PCDH15: variants seen among roughly 807,000 people sequenced by gnomAD.
The protein encoded by PCDH15 is protocadherin-15.
In PCDH15, 129 loss-of-function variants were observed where a neutral mutation model predicts 178.5. The observed-to-expected ratio is 0.72, with a 90% CI of 0.63 to 0.84. The LOEUF (loss-of-function observed/expected upper bound fraction) is 0.84, where lower values mean the gene tolerates loss of function less well. Among genes scored for constraint, PCDH15 ranks in the 40% least tolerant of loss-of-function variants. PCDH15 has a pLI of 0.00. For missense variants in PCDH15, 2,230 were observed against 2,099.9 expected (o/e 1.06, Z -1.21); for synonymous variants, 800 against 732.0 (o/e 1.09, Z -1.50).
At chr10:55,505,422 A>T (rs961452417) in intron 2 of PCDH15, among the ~76,000 whole-genome samples, 1 of 151,356 alleles carries the variant, frequency 6.6e-6, no homozygotes, top group Non-Finnish European at 1.5e-5. Context: ...AAATAATAAG[A>T]CTAATATAAA....
intron 2 of PCDH15, among the ~76,000 whole-genome samples, chr10:55,530,567 C>T (rs1046056124): frequency 4.0e-5 from 6 of 151,866 alleles, no homozygotes; most frequent in African/African-American, 1.2e-4. Flanking sequence ...TTCTTTTTTA[C>T]ATTGTTATAA....
rs1190845184 is a variant in PCDH15 at position 54,426,274 on chromosome 10, G to T, written c.158-47332C>A. Among the ~76,000 whole-genome samples, 7 of 152,042 alleles carry T rather than the reference G, an allele frequency of 4.6e-5. No homozygotes were observed. In the East Asian group the frequency reaches 9.6e-4, roughly 21 times the overall value. ...CTTTGGTACCAGGGATTCATTTTGCGGAATATAATATTTTCATGGACAGGG... is the reference window on the plus strand; with the variant it reads ...CTTTGGTACCAGGGATTCATTTTGCTGAATATAATATTTTCATGGACAGGG... On this transcript the variant is annotated intron_variant, in intron 3 of 37. Coordinates refer to ENST00000644397, the MANE Select transcript of PCDH15 (RefSeq NM_001384140.1).
At chr10:55,599,862 A>G in intron 2 of PCDH15, 1 of 1,354,696 alleles carries the variant, frequency 7.4e-7, no homozygotes, top group Non-Finnish European at 9.9e-7. Flanking sequence ...TTGCAAAGGT[A>G]GCATAATCAC....
chr10:54,224,805 C>T (rs2053253931), intron 9 of PCDH15, among the ~76,000 whole-genome samples: 1 of 151,994 alleles, frequency 6.6e-6, no homozygotes, highest in Admixed American at 6.6e-5. Flanking sequence ...TCTCTTAGTG[C>T]ATTCTTTGAT....
intron 10 of PCDH15, among the ~76,000 whole-genome samples, chr10:54,201,093 G>C (rs1470167): frequency 0.91 from 137,809 of 152,234 alleles, 62,571 homozygotes; most frequent in East Asian, 0.98. Flanking sequence ...CAGCTACATA[G>C]TTACAGGTAC....
At chr10:54,131,419 T>A (rs2133040952) in intron 15 of PCDH15, among the ~76,000 whole-genome samples, 1 of 152,282 alleles carries the variant, frequency 6.6e-6, no homozygotes, top group Non-Finnish European at 1.5e-5. Context: ...TATTACTCCA[T>A]TAAATGAACT....
At chr10:54,641,557 A>T (rs2093988579) in intron 2 of PCDH15, among the ~76,000 whole-genome samples, 1 of 150,930 alleles carries the variant, frequency 6.6e-6, no homozygotes, top group South Asian at 2.1e-4. Flanking sequence ...GCAATAAATC[A>T]TACACAGGTA....
chr10:55,426,581 G>C (rs911899694), intron 2 of PCDH15, among the ~76,000 whole-genome samples: 10 of 152,114 alleles, frequency 6.6e-5, no homozygotes, highest in Admixed American at 2.0e-4. Context: ...TGGTGGAAGG[G>C]TTAACAACTC....
intron 8 of PCDH15, among the ~76,000 whole-genome samples, chr10:54,276,465 T>A (rs2058356682): frequency 6.6e-6 from 1 of 151,670 alleles, no homozygotes; most frequent in South Asian, 2.1e-4. Context: ...TCCCATCCTA[T>A]TGAAAACAAT....
At chr10:54,240,948 T>G (rs1487322439) in intron 8 of PCDH15, among the ~76,000 whole-genome samples, 2 of 152,142 alleles carry the variant, frequency 1.3e-5, no homozygotes, top group African/African-American at 4.8e-5. Flanking sequence ...TTATTTTCAT[T>G]GAACACAGTT....
chr10:55,423,360 T>C (rs755280552), intron 2 of PCDH15, among the ~76,000 whole-genome samples: 1 of 152,002 alleles, frequency 6.6e-6, no homozygotes, highest in Non-Finnish European at 1.5e-5. Flanking sequence ...CAGAGAGAAC[T>C]AAAATTTTGA....
intron 3 of PCDH15, among the ~76,000 whole-genome samples, chr10:54,430,672 A>T (rs1040226022): frequency 6.6e-6 from 1 of 152,138 alleles, no homozygotes; most frequent in Non-Finnish European, 1.5e-5. Flanking sequence ...GAAAATTTCA[A>T]AATAAATAAT....
At chr10:53,930,186 C>T (rs1467908357) in intron 25 of PCDH15, among the ~76,000 whole-genome samples, 3 of 151,100 alleles carry the variant, frequency 2.0e-5, no homozygotes, top group Non-Finnish European at 4.4e-5. Flanking sequence ...CGGCTGGGCG[C>T]GGTGGTTCAC....
chr10:54,930,052 T>C (rs1268221971), intron 2 of PCDH15, among the ~76,000 whole-genome samples: 1 of 152,070 alleles, frequency 6.6e-6, no homozygotes, highest in Non-Finnish European at 1.5e-5. Context: ...GGAGCACAGG[T>C]GAATGCTGGC....
chr10:53,909,665 G>A (rs975580657), intron 25 of PCDH15, among the ~76,000 whole-genome samples: 4 of 152,140 alleles, frequency 2.6e-5, no homozygotes, highest in South Asian at 2.1e-4. Context: ...TGGACAGAGG[G>A]TGCAGCCCAC....
intron 2 of PCDH15, among the ~76,000 whole-genome samples, chr10:54,610,518 G>A (rs2092926522): frequency 6.6e-6 from 1 of 151,862 alleles, no homozygotes; most frequent in African/African-American, 2.4e-5. Context: ...GGACTGTGTT[G>A]ATTCAAAAAT....
At chr10:54,594,283 A>G (rs1483943498) in intron 2 of PCDH15, among the ~76,000 whole-genome samples, 1 of 152,108 alleles carries the variant, frequency 6.6e-6, no homozygotes, top group Non-Finnish European at 1.5e-5. Flanking sequence ...TATAGTGGAG[A>G]ACAGCCAGGG....
At chr10:54,419,593 T>G (rs1461341982) in intron 3 of PCDH15, among the ~76,000 whole-genome samples, 2 of 152,208 alleles carry the variant, frequency 1.3e-5, no homozygotes, top group Non-Finnish European at 2.9e-5. Flanking sequence ...TTCCAAAAAC[T>G]TGCTAAATTC....
chr10:54,390,584 C>G (rs1415063976), intron 3 of PCDH15, among the ~76,000 whole-genome samples: 2 of 152,156 alleles, frequency 1.3e-5, no homozygotes, highest in East Asian at 3.9e-4. Flanking sequence ...CGTGAGCCAC[C>G]GTGCCCAGCC....
Sources: allele counts gnomAD v4.1 joint callset (sites outside exome capture counted in the v4.1 genomes callset), GRCh38; gene constraint gnomAD v4.1.1; transcripts MANE v1.5; gene names NCBI Gene and HGNC (gene_info 2026-07-23, HGNC 2026-07-21).